The following KAZN variants were observed in gnomAD, a reference collection of about 807,000 sequenced individuals.
KAZN encodes the protein kazrin.
Under a neutral mutation model 87.4 loss-of-function variants are expected in KAZN, and 40 were observed. The ratio of observed to expected loss-of-function variants is 0.46; its 90% CI spans 0.36 to 0.60. The LOEUF is 0.60. Among genes scored for constraint, KAZN ranks in the 20% least tolerant of loss-of-function variants. KAZN has a pLI of 0.00. For missense variants in KAZN, 898 were observed against 1,073.9 expected (o/e 0.84, Z 2.29); for synonymous variants, 466 against 458.3 (o/e 1.02, Z -0.22).
chr1:14,874,681 C>G (rs1362946259), intron 1 of KAZN, among the ~76,000 whole-genome samples: 1 of 152,184 alleles, frequency 6.6e-6, no homozygotes, highest in Non-Finnish European at 1.5e-5. Context: ...TCCATTCACC[C>G]AACTTTTTGG....
chr1:14,378,247 A>G (rs925496139), intron 2 of KAZN, among the ~76,000 whole-genome samples: 2 of 152,200 alleles, frequency 1.3e-5, no homozygotes, highest in African/African-American at 4.8e-5. Context: ...GTAAACTTCA[A>G]TTATTAATTC....
intron 2 of KAZN, among the ~76,000 whole-genome samples, chr1:14,966,758 G>A (rs1335308442): frequency 1.3e-5 from 2 of 151,990 alleles, no homozygotes; most frequent in Admixed American, 6.6e-5. Flanking sequence ...TGCAACCTCC[G>A]TCTCCTGGGT....
chr1:14,796,510 C>T (rs918497963), intron 1 of KAZN, among the ~76,000 whole-genome samples: 5 of 152,166 alleles, frequency 3.3e-5, no homozygotes, highest in South Asian at 2.1e-4. Context: ...GGTAGGTGTG[C>T]GCTACAGACT....
intron 1 of KAZN, among the ~76,000 whole-genome samples, chr1:14,918,498 A>C (rs1658059074): frequency 6.6e-6 from 1 of 151,548 alleles, no homozygotes; most frequent in Non-Finnish European, 1.5e-5. Flanking sequence ...CAATATGGTG[A>C]AACCCCATCT....
At chr1:14,576,163 A>G (rs992246541) in intron 2 of KAZN, among the ~76,000 whole-genome samples, 1 of 152,232 alleles carries the variant, frequency 6.6e-6, no homozygotes, top group African/African-American at 2.4e-5. Flanking sequence ...CTTAGTTGTC[A>G]CATTTGTAAA....
rs140859204 is a variant in KAZN, at chr1:14,232,058, C to T, written c.249+51466C>T. Among the ~76,000 whole-genome samples, 643 of 152,180 alleles carry T rather than the reference C, an allele frequency of 4.2e-3. 4 individuals carry two copies. The highest frequency in any genetic ancestry group is 0.015 in the African/African-American group (608 of 41,526). On this transcript the variant is annotated intron_variant, in intron 2 of 16. Transcript: ENST00000636203. Reference sequence around the variant, plus strand: ...CATGGGTGGAACTCAGGCTCACAAACACACCCAACTGCAAAGGGGCTGGGA... The same window carrying T: ...CATGGGTGGAACTCAGGCTCACAAATACACCCAACTGCAAAGGGGCTGGGA...
chr1:14,095,776 C>A (rs12117715), intron 1 of KAZN, among the ~76,000 whole-genome samples: 22,065 of 152,068 alleles, frequency 0.15, 2,163 homozygotes, highest in Middle Eastern at 0.27. Context: ...AATGTTCCAG[C>A]AAACAAACAG....
intron 2 of KAZN, among the ~76,000 whole-genome samples, chr1:14,411,153 C>G (rs1361493409): frequency 6.6e-6 from 1 of 152,306 alleles, no homozygotes; most frequent in East Asian, 1.9e-4. Flanking sequence ...GGAAAAGGTA[C>G]AGAGGGCAAT....
chr1:14,592,863 A>T (rs1223829412), intron 2 of KAZN, among the ~76,000 whole-genome samples: 1 of 152,028 alleles, frequency 6.6e-6, no homozygotes, highest in Admixed American at 6.5e-5. Context: ...AGGATTTATC[A>T]CTCAGCCTTA....
In KAZN at chr1:15,081,859, C is replaced by T. The variant is rs1192895764; in HGVS notation, c.1223-12321C>T. On this transcript the variant is annotated intron_variant, in intron 8 of 14. Transcript: ENST00000376030. This position sits in a 1 kb window ranked among gnomAD's most constrained non-coding sequence, Gnocchi z 4.1. Reference sequence around the variant, plus strand: ...GTCGGCCTGTGGGTCACAGCAAGGACCTTGGGCTTTACCAGGGAGCCATTG... The same window carrying T: ...GTCGGCCTGTGGGTCACAGCAAGGATCTTGGGCTTTACCAGGGAGCCATTG... Among the ~76,000 whole-genome samples the T allele has an allele frequency of 6.6e-6, 1 of 152,000 alleles. No individual in the cohort carries two copies. Among genetic ancestry groups the T allele is most frequent in the Non-Finnish European group, 1.5e-5 (1 of 68,014 alleles).
At chr1:13,947,783 C>T (rs574388222) in intron 1 of KAZN, among the ~76,000 whole-genome samples, 71 of 152,174 alleles carry the variant, frequency 4.7e-4, no homozygotes, top group Non-Finnish European at 8.2e-4. Flanking sequence ...TGTATCTTCA[C>T]GTGATCTTCC....
intron 1 of KAZN, among the ~76,000 whole-genome samples, chr1:14,605,728 A>C (rs971015955): frequency 6.6e-6 from 1 of 152,200 alleles, no homozygotes; most frequent in African/African-American, 2.4e-5. Flanking sequence ...CAGGGGTGCC[A>C]GAGGTGGAAG....
chr1:13,949,588 A>G (rs1329588620), intron 1 of KAZN, among the ~76,000 whole-genome samples: 1 of 152,180 alleles, frequency 6.6e-6, no homozygotes, highest in Non-Finnish European at 1.5e-5. Flanking sequence ...GGCGATCATA[A>G]CAGCTCACAC....
At chr1:14,921,456 G>A (rs933547643) in intron 1 of KAZN, among the ~76,000 whole-genome samples, 2 of 152,100 alleles carry the variant, frequency 1.3e-5, no homozygotes, top group African/African-American at 4.8e-5. Context: ...AGTTGCTAAT[G>A]TTTCAAATTT....
At chr1:14,934,912 A>G (rs1660272979) in intron 1 of KAZN, among the ~76,000 whole-genome samples, 2 of 152,340 alleles carry the variant, frequency 1.3e-5, no homozygotes, top group African/African-American at 4.8e-5. Flanking sequence ...GCTGCCCAAC[A>G]GCTTCAAACA....
chr1:14,206,399 A>G (rs554413329), intron 2 of KAZN, among the ~76,000 whole-genome samples: 3 of 152,310 alleles, frequency 2.0e-5, no homozygotes, highest in South Asian at 2.1e-4. Context: ...TATTCATTGC[A>G]GTGGCCTCAC....
intron 1 of KAZN, among the ~76,000 whole-genome samples, chr1:14,806,226 C>G (rs1167344878): frequency 6.6e-6 from 1 of 151,720 alleles, no homozygotes; most frequent in Non-Finnish European, 1.5e-5. Flanking sequence ...CCTCTGTTCC[C>G]TTTGTCTCAG....
At position 15,094,513 on chromosome 1, in the gene KAZN, T is replaced by C; in HGVS notation, c.1428+128T>C. On this transcript the variant is annotated intron_variant, in intron 9 of 14. Coordinates refer to ENST00000376030, the MANE Select transcript of KAZN (RefSeq NM_201628.3). The surrounding 1 kb of genome is among the most constrained non-coding windows in gnomAD (Gnocchi z 4.5). The stretch of plus-strand genomic sequence containing the variant: ...AAGGTGCAATCTAGGAGCTAGCCAA[T>C]GCAATCAGCCTCTGATGTACCTGCT... The C allele has an allele frequency of 1.2e-6, 1 of 854,912 alleles. No homozygotes were observed. Among genetic ancestry groups the C allele is most frequent in the Non-Finnish European group, 1.8e-6 (1 of 550,108 alleles). The allele number at this position is 854,912 out of a possible 1,614,324, so 53.0% of individuals were successfully genotyped here.
chr1:15,035,354 G>A (rs1286724429), intron 3 of KAZN, among the ~76,000 whole-genome samples: 5 of 152,206 alleles, frequency 3.3e-5, no homozygotes, highest in Admixed American at 3.3e-4. Flanking sequence ...AGAGAGCTGG[G>A]GAGCCCCAGT....
Sources: allele counts gnomAD v4.1 joint callset (sites outside exome capture counted in the v4.1 genomes callset), GRCh38; gene constraint gnomAD v4.1.1; non-coding constraint Gnocchi (gnomAD v3.1); transcripts MANE v1.5; gene names NCBI Gene and HGNC (gene_info 2026-07-23, HGNC 2026-07-21).